TTN: variants seen among roughly 807,000 people sequenced by gnomAD.
TTN encodes the protein titin, also known as connectin.
Under a neutral mutation model 3,223.0 loss-of-function variants are expected in TTN, and 1,525 were observed. That is an observed-to-expected ratio of 0.47 (90% CI 0.45 to 0.49). The LOEUF (loss-of-function observed/expected upper bound fraction) is 0.49. Ranked by LOEUF, TTN falls within the 20% of genes least tolerant of loss-of-function variation. The probability of loss-of-function intolerance (pLI) is 0.00; values close to 1 mark genes in which losing one functional copy is unlikely to be tolerated. For synonymous variants in TTN, 14,094 were observed against 15,161.0 expected (o/e 0.93, Z 5.17); for missense variants, 40,786 against 43,424.0 (o/e 0.94, Z 5.40).
chr2:178,688,686 G>T lies in TTN; in HGVS notation c.32188C>A (p.Arg10730=). The T allele has an allele frequency of 6.2e-7, 1 of 1,611,738 alleles. No homozygotes were observed. The highest frequency in any genetic ancestry group is 8.5e-7 in the Non-Finnish European group (1 of 1,177,872). Residue 10730 remains arginine, a synonymous_variant, in exon 126 of 363, where the codon CGG becomes AGG. Coordinates refer to ENST00000589042, the MANE Select transcript of TTN (RefSeq NM_001267550.2). ...FAVPQRVEVT[R]HEVSAEEEWS... The stretch of plus-strand genomic sequence containing the variant: ...ACTTCCGATTATATACCTTCGTGCC[G>T]CGTGACTTCCACTCTTTGAGGAACT...
intron 332 of TTN, 88 bp downstream of exon 332, chr2:178,554,365 T>C (rs974282562): frequency 3.6e-5 from 53 of 1,470,296 alleles, no homozygotes; most frequent in Middle Eastern, 1.7e-4. Context: ...AGGTGTTATA[T>C]AAAAGAAAAT....
Position 178,768,107 on chromosome 2 carries a change from T to C in TTN, c.9212A>G (p.Glu3071Gly), listed in dbSNP as rs755629588. ...ACATTCAAACATGGCTCGCTTCTTC[T>C]CCAGTACCTTAATGTCCTTAATGTG... ...RKHIKDIKVL[E>G]KKRAMFECEV... is the part of the protein sequence containing the mutation. Residue 3071 changes from glutamate to glycine, a missense_variant, in exon 39 of 363, where the codon GAG (glutamate) becomes GGG (glycine). Transcript: ENST00000589042. 1.1e-5 allele frequency: 18 copies of C among 1,614,088 alleles called. No individual in the cohort carries two copies. Among genetic ancestry groups the C allele is most frequent in the Middle Eastern group, 1.6e-4 (1 of 6,062 alleles).
At position 178,667,276 on chromosome 2, in the gene TTN, AG is replaced by A. The variant is rs1241310204; in HGVS notation, c.35756del (p.Pro11919LeufsTer51). The A allele has an allele frequency of 1.3e-5, 21 of 1,605,514 alleles. No individual in the cohort carries two copies. Among genetic ancestry groups the A allele is most frequent in the Non-Finnish European group, 1.7e-5 (20 of 1,176,096 alleles). ...TRGIFPEVEP[P>X]EAIPEIPEHP... ...GTTCTGGAATTTCAGGAATAGCCTCAGGTGGCTCCACCTCTGGAAAAATGCC... is the reference window on the plus strand; with the variant it reads ...GTTCTGGAATTTCAGGAATAGCCTCAGTGGCTCCACCTCTGGAAAAATGCC... On this transcript the variant is annotated frameshift_variant, in exon 162 of 363. Transcript: ENST00000589042. LOFTEE classifies it high-confidence loss of function.
Position 178,663,664 on chromosome 2 carries a change from C to T in TTN, c.36495G>A (p.Val12165=). The T allele has an allele frequency of 6.2e-7, 1 of 1,613,572 alleles. No homozygotes were observed. Among genetic ancestry groups the T allele is most frequent in the Non-Finnish European group, 8.5e-7 (1 of 1,179,744 alleles). ...KEVVPEKKAP[V]APPKEPEVPP... ...GGACTTCAGGCTCTTTAGGAGGAGC[C>T]ACTGGCGCTTTCTTTTCAGGAACTA... Residue 12165 remains valine (V), a synonymous_variant, in exon 171 of 363, where the codon GTG becomes GTA. Coordinates refer to ENST00000589042, the MANE Select transcript of TTN (RefSeq NM_001267550.2).
chr2:178,762,011 A>G (rs1452969601), intron 43 of TTN, among the ~76,000 whole-genome samples: 2 of 152,104 alleles, frequency 1.3e-5, no homozygotes, highest in Admixed American at 6.5e-5. Flanking sequence ...AATAGGTAAC[A>G]TTTTCGCTGT....
In TTN at chr2:178,547,614, C is replaced by G. The variant is rs1433208677; in HGVS notation, c.94012G>C (p.Gly31338Arg). The change falls in exon 339 of 363, where the codon GGC becomes CGC. Residue 31338 changes from glycine (G) to arginine (R), a missense_variant. Coordinates refer to ENST00000589042, the MANE Select transcript of TTN (RefSeq NM_001267550.2). ...LSWGEPKDGGGTEITNYIVEK... is the reference protein window; with the variant it reads ...LSWGEPKDGGRTEITNYIVEK... The stretch of plus-strand genomic sequence containing the variant: ...ACTATGTAATTAGTAATTTCAGTGC[C>G]TCCTCCATCTTTAGGTTCTCCCCAT... 6.2e-7 allele frequency: 1 copy of G among 1,613,858 alleles called. No individual in the cohort carries two copies. The highest frequency in any genetic ancestry group is 1.1e-5 in the South Asian group (1 of 91,090).
chr2:178,776,455 T>G lies in TTN; in HGVS notation c.5409A>C (p.Glu1803Asp). Residue 1803 changes from glutamate to aspartate, a missense_variant, in exon 28 of 363, where the codon GAA becomes GAC. By Grantham distance (45) the Glu-to-Asp change is conservative. Coordinates refer to ENST00000589042, the MANE Select transcript of TTN (RefSeq NM_001267550.2). ...CTTTCCTCCCCTCAGGCAATTGGGA[T>G]TCTTCCACAAGACTTTTCTCATCTT... ...IVKDEKSLVE[E>D]SQLPEGRKGL... is the part of the protein sequence containing the mutation. 6.2e-7 allele frequency: 1 copy of G among 1,608,650 alleles called. No homozygotes were observed. The highest frequency in any genetic ancestry group is 1.1e-5 in the South Asian group (1 of 91,086).
rs1312681163 is a variant in TTN, at chr2:178,670,223, G to A, written c.35381C>T (p.Thr11794Ile). ...GAATGAGAAAAGCCAGTTACCTTTA[G>A]TTGGTGGAACTCTGGGCTCTTCAGG... ...RVPEEPRVPP[T>I]KAPEVPKKIV... The change falls in exon 157 of 363, where the codon ACT becomes ATT. Residue 11794 changes from threonine (T) to isoleucine (I), a missense_variant. Transcript: ENST00000589042. 4.1e-6 allele frequency: 6 copies of A among 1,469,312 alleles called. No individual in the cohort carries two copies. The highest frequency in any genetic ancestry group is 5.4e-6 in the Non-Finnish European group (6 of 1,114,534). 91.0% of individuals were successfully genotyped at this position (1,469,312 alleles called of 1,614,324 possible).
intron 288 of TTN, among the ~76,000 whole-genome samples, chr2:178,600,079 C>A (rs2052900533): frequency 6.6e-6 from 1 of 151,806 alleles, no homozygotes; most frequent in African/African-American, 2.4e-5. Context: ...CTGTGCTTGC[C>A]TCACTTTATT....
rs1039428520 is a variant in TTN, at chr2:178,651,461, G to C, written c.39539C>G (p.Pro13180Arg). 9.3e-6 allele frequency: 15 copies of C among 1,610,712 alleles called. No individual in the cohort carries two copies. The African/African-American group carries it at 2.0e-4, about 22-fold the overall frequency. ...LVVPKKPEAP[P>R]AKVPEVPKEV... ...TGGACAGCCACATATACCTTTAGCA[G>C]GTGGGGCTTCTGGCTTTTTGGGAAC... The change falls in exon 207 of 363, where the codon CCT becomes CGT. Residue 13180 changes from proline (P) to arginine (R), a missense_variant. Pro to Arg is a moderately radical substitution (Grantham distance 103). Coordinates refer to ENST00000589042, the MANE Select transcript of TTN (RefSeq NM_001267550.2).
At position 178,554,986 on chromosome 2, in the gene TTN, A is replaced by T; in HGVS notation, c.88473T>A (p.Asn29491Lys). Residue 29491 changes from asparagine to lysine, a missense_variant, in exon 331 of 363, where the codon AAT (asparagine) becomes AAA (lysine). Coordinates refer to ENST00000589042, the MANE Select transcript of TTN (RefSeq NM_001267550.2). ...TGAGTATAGATGCGAGGTCCGTGGT[A>T]TTTTCAACACACACCAGTGCATTGG... ...LQTNALVCVE[N>K]TTDLASILIK... 1 of 1,613,672 alleles carries T rather than the reference A, an allele frequency of 6.2e-7. No individual in the cohort carries two copies. The highest frequency in any genetic ancestry group is 1.1e-5 in the South Asian group (1 of 91,078).
At chr2:178,789,014 AT>A (rs1436997788) in intron 13 of TTN, among the ~76,000 whole-genome samples, 1 of 152,098 alleles carries the variant, frequency 6.6e-6, no homozygotes, top group African/African-American at 2.4e-5. Context: ...AAGAGTCATC[AT>A]TTACTTATAC....
At chr2:178,644,710 T>C (rs2061665701) in intron 217 of TTN, 94 bp from the exon 218 acceptor site, 3 of 972,186 alleles carry the variant, frequency 3.1e-6, no homozygotes, top group Middle Eastern at 3.0e-4. Flanking sequence ...CAAGCTTTGC[T>C]TATAACCAGA....
rs1401647603 is a variant in TTN, at chr2:178,553,924, A to G, written c.89187T>C (p.Ala29729=). The G allele has an allele frequency of 1.3e-6, 2 of 1,597,030 alleles. No individual in the cohort carries two copies. The highest frequency in any genetic ancestry group is 1.7e-6 in the Non-Finnish European group (2 of 1,173,698). The change falls in exon 333 of 363, where the codon GCT becomes GCC. Residue 29729 remains alanine (A), a synonymous_variant. Transcript: ENST00000589042. ...GGTATGAGCACTTACCAATAGGATCAGCAGCTTTGTAGAATTCAGATGGTT... is the reference window on the plus strand; with the variant it reads ...GGTATGAGCACTTACCAATAGGATCGGCAGCTTTGTAGAATTCAGATGGTT... ...FSEPSEFYKA[A]DPIDPPGPPA...
At chr2:178,784,417 C>T in intron 15 of TTN, 66 bp from the exon 16 acceptor site, 1 of 1,584,512 alleles carries the variant, frequency 6.3e-7, no homozygotes. Context: ...CCCTCTTGGA[C>T]TGAGTCTGAG....
rs1163016934 is a variant in TTN at position 178,775,818 on chromosome 2, C to T, written c.6046G>A (p.Val2016Met). 8.7e-6 allele frequency: 14 copies of T among 1,613,860 alleles called. No homozygotes were observed. The highest frequency in any genetic ancestry group is 1.1e-5 in the Non-Finnish European group (13 of 1,179,918). Residue 2016 changes from valine to methionine, a missense_variant, in exon 28 of 363, where the codon GTG becomes ATG. By Grantham distance (21) the Val-to-Met change is conservative. Coordinates refer to ENST00000589042, the MANE Select transcript of TTN (RefSeq NM_001267550.2). ...TCCTTCTTTCGAGACTTGAGCTCCA[C>T]AGCGGTAATGGCTTCATAATAGCCC... Reference protein sequence around the residue: ...EEGYYEAITAVELKSRKKDES... With the variant: ...EEGYYEAITAMELKSRKKDES...
At chr2:178,718,629 TCTTGC>T in intron 84 of TTN, 29 bp from the exon 85 acceptor site, 1 of 1,603,198 alleles carries the variant, frequency 6.2e-7, no homozygotes, top group Non-Finnish European at 8.5e-7. Flanking sequence ...TGGGTAAAAT[TCTTGC>T]CTTCTAATGA....
In TTN at chr2:178,607,906, A is replaced by G. The variant is rs772763911; in HGVS notation, c.52881T>C (p.Arg17627=). Residue 17627 remains arginine, a synonymous_variant, in exon 276 of 363, where the codon CGT becomes CGC. Transcript: ENST00000589042. ...SRCTEKMIKV[R]QYTVKEIREG... ...CTCGGATTTCTTTGACGGTGTACTG[A>G]CGGACCTTGATCATCTTCTCTGTGC... 2.5e-6 allele frequency: 4 copies of G among 1,613,002 alleles called. No individual in the cohort carries two copies. Among genetic ancestry groups the G allele is most frequent in the Non-Finnish European group, 8.5e-7 (1 of 1,179,314 alleles).
intron 89 of TTN, 114 bp from the exon 90 acceptor site, chr2:178,715,378 C>A: frequency 2.0e-6 from 3 of 1,509,654 alleles, no homozygotes; most frequent in South Asian, 1.4e-5. Context: ...ACTTTCAATT[C>A]TTTGTTGTGT....
Sources: allele counts gnomAD v4.1 joint callset (sites outside exome capture counted in the v4.1 genomes callset), GRCh38; gene constraint gnomAD v4.1.1; transcripts MANE v1.5; gene names NCBI Gene and HGNC (gene_info 2026-07-23, HGNC 2026-07-21).